Variants in COL6A6 observed in about 807,000 individuals in gnomAD.
The protein encoded by COL6A6 is collagen type VI alpha 6 chain, also known as collagen alpha-6(VI) chain.
Under a neutral mutation model 208.6 loss-of-function variants are expected in COL6A6, and 183 were observed. The ratio of observed to expected loss-of-function variants is 0.88; its 90% CI spans 0.78 to 0.99. The LOEUF (loss-of-function observed/expected upper bound fraction) is 0.99. Among genes scored for constraint, COL6A6 ranks in the 50% least tolerant of loss-of-function variants. The pLI is 0.00. For missense variants in COL6A6, 2,816 were observed against 2,815.2 expected (o/e 1.00, Z -0.01); for synonymous variants, 973 against 1,011.8 (o/e 0.96, Z 0.73).
At chr3:130,529,008 T>C (rs1363614628) in intron 1 of COL6A6, among the ~76,000 whole-genome samples, 2 of 152,082 alleles carry the variant, frequency 1.3e-5, no homozygotes, top group Non-Finnish European at 2.9e-5. Flanking sequence ...GAGAATGGCG[T>C]GAACCCGGGA....
At chr3:130,520,412 G>C (rs1162117346) in intron 1 of COL6A6, among the ~76,000 whole-genome samples, 4 of 151,968 alleles carry the variant, frequency 2.6e-5, no homozygotes, top group African/African-American at 7.3e-5. Flanking sequence ...CTGTTTCCTC[G>C]CCCTCCTTCC....
At chr3:130,603,200 T>C (rs2064077262) in intron 20 of COL6A6, among the ~76,000 whole-genome samples, 1 of 152,218 alleles carries the variant, frequency 6.6e-6, no homozygotes, top group South Asian at 2.1e-4. Context: ...AGAATCATGT[T>C]GTAGAGTGTG....
Position 130,661,801 on chromosome 3 carries a change from C to T in COL6A6, c.5995C>T (p.Pro1999Ser). The change falls in exon 35 of 37, where the codon CCA becomes TCA. Residue 1999 changes from proline to serine, a missense_variant. Transcript: ENST00000358511. ...GALLDHFEIT[P>S]EPETSVTGDR... ...ACTATTAGATCACTTTGAAATCACC[C>T]CAGAGCCGGAGACTTCTGTCACTGG... The T allele has an allele frequency of 6.2e-7, 1 of 1,613,932 alleles. No homozygotes were observed. Among genetic ancestry groups the T allele is most frequent in the Middle Eastern group, 1.6e-4 (1 of 6,062 alleles).
At chr3:130,606,888 AT>A (rs762974917) in intron 20 of COL6A6, 42 bp from the exon 21 acceptor site, 3 of 1,547,780 alleles carry the variant, frequency 1.9e-6, no homozygotes, top group Non-Finnish European at 2.6e-6. Context: ...TATAAAAAGC[AT>A]TTTTTCTGAA....
intron 22 of COL6A6, among the ~76,000 whole-genome samples, chr3:130,610,124 G>A (rs766212630): frequency 3.9e-5 from 6 of 151,906 alleles, no homozygotes; most frequent in Admixed American, 6.6e-5. Flanking sequence ...TAATTTAAAA[G>A]CAGAGGCAAA....
At chr3:130,602,948 C>A (rs146156735) in intron 20 of COL6A6, among the ~76,000 whole-genome samples, 1 of 152,124 alleles carries the variant, frequency 6.6e-6, no homozygotes, top group Non-Finnish European at 1.5e-5. Flanking sequence ...ATCTAGTGTT[C>A]ACTGCAGAAC....
In COL6A6 at chr3:130,639,430, C is replaced by T. The variant is rs563814883; in HGVS notation, c.5092-2222C>T. Among the ~76,000 whole-genome samples, 63 of 152,252 alleles carry T rather than the reference C, an allele frequency of 4.1e-4. No individual in the cohort carries two copies. In the South Asian group the frequency reaches 9.9e-3, roughly 24 times the overall value. On this transcript the variant is annotated intron_variant, in intron 28 of 36. Coordinates refer to ENST00000358511, the MANE Select transcript of COL6A6 (RefSeq NM_001102608.3). ...GATTGGGGTCAGGTGCGGTGGCTCA[C>T]GCCTATCATCCCAGCACTCTGGGAG...
chr3:130,592,572 A>G lies in COL6A6; in HGVS notation c.4304A>G (p.Glu1435Gly), dbSNP rs2063745472. ...GERGAPGPVGEQGTKGCYGTK... is the reference protein window; with the variant it reads ...GERGAPGPVGGQGTKGCYGTK... ...AGAGGAGCCCCTGGACCAGTGGGAG[A>G]GCAAGGTACTAAGGGATGCTATGGC... is the stretch of plus-strand genomic sequence containing the variant. The change falls in exon 14 of 37, where the codon GAG (glutamate) becomes GGG (glycine). Residue 1435 changes from glutamate (E) to glycine (G), a missense_variant. Transcript: ENST00000358511. The G allele has an allele frequency of 2.5e-6, 4 of 1,611,734 alleles. No individual in the cohort carries two copies. The highest frequency in any genetic ancestry group is 1.1e-5 in the South Asian group (1 of 90,818).
chr3:130,581,631 T>G lies in COL6A6; in HGVS notation c.3618T>G (p.Gly1206=). The part of the protein sequence containing the change: ...TQEKGQTLLE[G]QPWMETYLQD... ...AGAAAGGGCAGACTTTGCTTGAAGG[T>G]CAGCCTTGGATGGAAACCTACCTTC... Residue 1206 remains glycine (G), a synonymous_variant, in exon 9 of 37, where the codon GGT becomes GGG. Coordinates refer to ENST00000358511, the MANE Select transcript of COL6A6 (RefSeq NM_001102608.3). The G allele has an allele frequency of 1.2e-6, 2 of 1,613,938 alleles. No individual in the cohort carries two copies. The highest frequency in any genetic ancestry group is 8.5e-7 in the Non-Finnish European group (1 of 1,179,820).
chr3:130,590,254 CATATATATATATATATATATATATATAT>C (rs1299611852), intron 12 of COL6A6, among the ~76,000 whole-genome samples: 25 of 11,670 alleles, frequency 2.1e-3, no homozygotes, highest in Non-Finnish European at 3.3e-3. Flanking sequence ...CTTTTTTTTT[CATATATATATATATATATATATATATAT>C]ATATATATAT....
chr3:130,612,855 C>G (rs1475100812), intron 23 of COL6A6, among the ~76,000 whole-genome samples: 1 of 152,128 alleles, frequency 6.6e-6, no homozygotes, highest in Non-Finnish European at 1.5e-5. Flanking sequence ...ATATCCTTTG[C>G]ACACATTTTA....
rs189650947 is a variant in COL6A6 at position 130,621,594 on chromosome 3, C to T, written c.4816-227C>T. On this transcript the variant is annotated intron_variant, in intron 23 of 36. Transcript: ENST00000358511. ...AAATCACTTTGGAAGAGAAAACTCA[C>T]AAGGAAGCACAATTCTTTAGACAAC... 9.8e-5 allele frequency among the ~76,000 whole-genome samples: 15 copies of T among 152,292 alleles called. No individual in the cohort carries two copies. The East Asian group carries it at 2.9e-3, about 29-fold the overall frequency.
intron 4 of COL6A6, 61 bp from the exon 5 acceptor site, chr3:130,566,641 G>A: frequency 1.5e-6 from 2 of 1,360,174 alleles, no homozygotes; most frequent in South Asian, 1.5e-5. Flanking sequence ...CTTTCCATGT[G>A]CTCTCATTTC....
chr3:130,674,872 T>G (rs985572944), intron 36 of COL6A6, among the ~76,000 whole-genome samples: 1 of 152,176 alleles, frequency 6.6e-6, no homozygotes, highest in African/African-American at 2.4e-5. Context: ...CTGGGAAAAC[T>G]ATAGATATGG....
chr3:130,535,149 A>G (rs987359807), intron 1 of COL6A6, among the ~76,000 whole-genome samples: 3 of 151,846 alleles, frequency 2.0e-5, no homozygotes, highest in Admixed American at 1.3e-4. Context: ...TTCCTATTAG[A>G]CCCATGTCAG....
In COL6A6 at chr3:130,663,090, A is replaced by C. The variant is rs189250887; in HGVS notation, c.6502+782A>C. The stretch of plus-strand genomic sequence containing the variant: ...AGAAAAATGAACACACAGGCAAAAG[A>C]GTACCCGGTGTGGTTCAACTGAGGT... On this transcript the variant is annotated intron_variant, in intron 35 of 36. Coordinates refer to ENST00000358511, the MANE Select transcript of COL6A6 (RefSeq NM_001102608.3). 2.6e-5 allele frequency among the ~76,000 whole-genome samples: 4 copies of C among 152,308 alleles called. No homozygotes were observed. In the East Asian group the frequency reaches 5.8e-4, roughly 22 times the overall value.
At chr3:130,587,516 A>G (rs947479225) in intron 11 of COL6A6, among the ~76,000 whole-genome samples, 1 of 152,134 alleles carries the variant, frequency 6.6e-6, no homozygotes, top group Non-Finnish European at 1.5e-5. Flanking sequence ...CTATTTTTAA[A>G]CCTAATGCCT....
chr3:130,599,205 T>C lies in COL6A6; in HGVS notation c.4600-552T>C, dbSNP rs75274989. 8.1e-3 allele frequency among the ~76,000 whole-genome samples: 1,232 copies of C among 152,280 alleles called. 17 individuals are homozygous for C. The highest frequency in any genetic ancestry group is 0.029 in the African/African-American group (1,194 of 41,556). Reference sequence around the variant, plus strand: ...TGACATTATAACCTTCAGTAAATATTATCTGCCATTATTAGTAAGTGGTAA... The same window carrying C: ...TGACATTATAACCTTCAGTAAATATCATCTGCCATTATTAGTAAGTGGTAA... On this transcript the variant is annotated intron_variant, in intron 19 of 36. Transcript: ENST00000358511.
At chr3:130,543,532 A>T (rs912782531) in intron 1 of COL6A6, among the ~76,000 whole-genome samples, 2 of 152,082 alleles carry the variant, frequency 1.3e-5, no homozygotes, top group Admixed American at 6.5e-5. Flanking sequence ...GCTGTTTTTA[A>T]TGGTTGCCTA....
Sources: allele counts gnomAD v4.1 joint callset (sites outside exome capture counted in the v4.1 genomes callset), GRCh38; gene constraint gnomAD v4.1.1; transcripts MANE v1.5; gene names NCBI Gene and HGNC (gene_info 2026-07-23, HGNC 2026-07-21).